PAXBP1: variants seen among roughly 807,000 people sequenced by gnomAD.
The protein encoded by PAXBP1 is PAX3 and PAX7 binding protein 1.
PAXBP1 carries 44 observed loss-of-function variants against 119.9 expected under a neutral mutation model. The observed-to-expected ratio is 0.37, with a 90% CI of 0.29 to 0.47. The LOEUF (loss-of-function observed/expected upper bound fraction) is 0.47. Among genes scored for constraint, PAXBP1 ranks in the 20% least tolerant of loss-of-function variants. The pLI, the probability that PAXBP1 is intolerant of heterozygous loss-of-function variation, is 0.99. For synonymous variants in PAXBP1, 393 were observed against 406.6 expected (o/e 0.97, Z 0.40); for missense variants, 898 against 1,134.1 (o/e 0.79, Z 2.99).
intron 10 of PAXBP1, among the ~76,000 whole-genome samples, chr21:32,749,746 A>T (rs893131028): frequency 6.6e-6 from 1 of 152,192 alleles, no homozygotes; most frequent in Admixed American, 6.5e-5. Flanking sequence ...AGTTTACAAG[A>T]AATGGATCAA....
rs1006256831 is a variant in PAXBP1 at position 32,762,188 on chromosome 21, T to A, written c.779A>T (p.Asp260Val). 6.2e-7 allele frequency: 1 copy of A among 1,614,096 alleles called. No individual in the cohort carries two copies. Among genetic ancestry groups the A allele is most frequent in the Non-Finnish European group, 8.5e-7 (1 of 1,180,046 alleles). The change falls in exon 4 of 18, where the codon GAT (aspartate) becomes GTT (valine). Residue 260 changes from aspartate (D) to valine (V), a missense_variant. By Grantham distance (152) the Asp-to-Val change is radical. This residue lies in a region of PAXBP1 where 599 missense variants were observed against 852.7 expected (regional missense o/e 0.70). Coordinates refer to ENST00000331923, the MANE Select transcript of PAXBP1 (RefSeq NM_016631.4). ...ATCGTCATCTTCATCATCACTGGCA[T>A]CATTCTCATCTTCTCTAACAAGGCG... ...KGRLVREDENDASDDEDDDEK... is the reference protein window; with the variant it reads ...KGRLVREDENVASDDEDDDEK...
Position 32,759,230 on chromosome 21 carries a change from C to T in PAXBP1, c.1233G>A (p.Gln411=), listed in dbSNP as rs768776132. The T allele has an allele frequency of 1.9e-6, 3 of 1,613,828 alleles. No homozygotes were observed. Among genetic ancestry groups the T allele is most frequent in the South Asian group, 2.2e-5 (2 of 91,078 alleles). The stretch of plus-strand genomic sequence containing the variant: ...GGCTTTGCAGATGTTTCTCATGCTG[C>T]TGTCGATTTGTTTTGTGCAATTCTT... ...SMKELHKTNR[Q]QHEKHLQSRV... is the part of the protein sequence containing the mutation. Residue 411 remains glutamine (Q), a synonymous_variant, in exon 7 of 18, where the codon CAG becomes CAA. Transcript: ENST00000331923.
intron 11 of PAXBP1, among the ~76,000 whole-genome samples, chr21:32,747,337 C>T (rs796937332): frequency 1.4e-4 from 22 of 152,260 alleles, no homozygotes; most frequent in African/African-American, 5.1e-4. Context: ...GATGCTAGTT[C>T]AGGACAGCAG....
At chr21:32,744,429 T>C (rs1347995499) in intron 13 of PAXBP1, among the ~76,000 whole-genome samples, 1 of 152,136 alleles carries the variant, frequency 6.6e-6, no homozygotes, top group Non-Finnish European at 1.5e-5. Flanking sequence ...TGTTAACATT[T>C]TGGTTTCTCA....
rs754967153 is a variant in PAXBP1 at position 32,762,212 on chromosome 21, C to T, written c.755G>A (p.Arg252His). The change falls in exon 4 of 18, where the codon CGC becomes CAC. Residue 252 changes from arginine (R) to histidine (H), a missense_variant. Around this residue, in one of 2 missense-constraint regions of PAXBP1, gnomAD observed 599 missense variants for 852.7 expected, o/e 0.70. Transcript: ENST00000331923. ...ATCATTCTCATCTTCTCTAACAAGG[C>T]GGCCTTTACCAGGCTCATTATCATG... ...TPHDNEPGKG[R>H]LVREDENDAS... 44 of 1,614,134 alleles carry T rather than the reference C, an allele frequency of 2.7e-5. No individual in the cohort carries two copies. The African/African-American group carries it at 4.4e-4, about 16-fold the overall frequency.
chr21:32,747,595 T>C (rs1237177054), intron 11 of PAXBP1, among the ~76,000 whole-genome samples: 2 of 152,194 alleles, frequency 1.3e-5, no homozygotes, highest in Admixed American at 6.5e-5. Context: ...TGTGTTTCCA[T>C]GGCATCAACC....
chr21:32,748,859 G>A (rs1269514519), intron 10 of PAXBP1, among the ~76,000 whole-genome samples, 161 bp from the exon 11 acceptor site: 1 of 152,160 alleles, frequency 6.6e-6, no homozygotes, highest in Non-Finnish European at 1.5e-5. Context: ...AAAATAAATT[G>A]AAGTTTCAAT....
Position 32,769,908 on chromosome 21 carries a change from A to G in PAXBP1, c.378T>C (p.Ser126=). 1 of 1,573,848 alleles carries G rather than the reference A, an allele frequency of 6.4e-7. No homozygotes were observed. The highest frequency in any genetic ancestry group is 1.4e-5 in the African/African-American group (1 of 73,552). ...GCAATTTTACTATCTTTTTGCTATA[A>G]CTTGATTTCTTCACTTTGAAAACTT... ...NEEVFKVKKS[S]YSKKIVKLLK... The change falls in exon 2 of 18, where the codon AGT becomes AGC. Residue 126 remains serine (S), a synonymous_variant. Transcript: ENST00000331923.
chr21:32,747,829 C>A (rs532865453), intron 11 of PAXBP1, among the ~76,000 whole-genome samples: 1 of 151,782 alleles, frequency 6.6e-6, no homozygotes, highest in East Asian at 1.9e-4. Context: ...GTTCTATCAC[C>A]CAGGCTGCAG....
rs778420280 is a variant in PAXBP1, at chr21:32,751,177, C to A, written c.1549G>T (p.Asp517Tyr). The change falls in exon 9 of 18, where the codon GAT (aspartate) becomes TAT (tyrosine). Residue 517 changes from aspartate (D) to tyrosine (Y), a missense_variant. By Grantham distance (160) the Asp-to-Tyr change is radical (BLOSUM62 -3). Transcript: ENST00000331923. ...GCATGCTCTTGATACAGTGCCCGAT[C>A]GCGTCCAAAGGAGTCAAGATTTGGT... ...MAPNLDSFGR[D>Y]RALYQEHAKR... The A allele has an allele frequency of 3.7e-6, 6 of 1,613,978 alleles. No homozygotes were observed. Among genetic ancestry groups the A allele is most frequent in the South Asian group, 1.1e-5 (1 of 91,060 alleles).
chr21:32,745,632 A>G lies in PAXBP1; in HGVS notation c.2010T>C (p.Asp670=). 6.2e-7 allele frequency: 1 copy of G among 1,614,074 alleles called. No homozygotes were observed. Among genetic ancestry groups the G allele is most frequent in the South Asian group, 1.1e-5 (1 of 91,078 alleles). The change falls in exon 12 of 18, where the codon GAT becomes GAC. Residue 670 remains aspartate (D), a synonymous_variant. Transcript: ENST00000331923. The part of the protein sequence containing the change: ...GCEEREQEKD[D]VDVALLPTIV... ...TGGTAGGTAGTAGGGCAACATCTAC[A>G]TCATCTTTTTCTTGCTCTCGTTCTT...
At chr21:32,761,799 G>A (rs2044151735) in intron 4 of PAXBP1, among the ~76,000 whole-genome samples, 1 of 152,124 alleles carries the variant, frequency 6.6e-6, no homozygotes, top group African/African-American at 2.4e-5. Context: ...CACTTCGGGA[G>A]GCCAAGGCAG....
chr21:32,746,411 G>C (rs2043872646), intron 11 of PAXBP1, among the ~76,000 whole-genome samples: 1 of 151,276 alleles, frequency 6.6e-6, no homozygotes, highest in South Asian at 2.1e-4. Context: ...AAACTTTATA[G>C]GAAAAAAACA....
chr21:32,757,251 A>G (rs2044057991), intron 7 of PAXBP1, among the ~76,000 whole-genome samples: 1 of 152,194 alleles, frequency 6.6e-6, no homozygotes, highest in Non-Finnish European at 1.5e-5. Context: ...TATCTCCAAT[A>G]TAACAATTTA....
At chr21:32,764,958 T>C (rs1246973277) in intron 2 of PAXBP1, among the ~76,000 whole-genome samples, 3 of 152,246 alleles carry the variant, frequency 2.0e-5, no homozygotes, top group East Asian at 3.8e-4. Flanking sequence ...AACTCTGTTA[T>C]GAACAAAGCA....
Position 32,771,317 on chromosome 21 carries a change from G to T in PAXBP1, c.343+9C>A, listed in dbSNP as rs759262843. On this transcript the variant is annotated intron_variant, in intron 1 of 17. Coordinates refer to ENST00000331923, the MANE Select transcript of PAXBP1 (RefSeq NM_016631.4). ...GGCCGTCTAAGGGCGTCCGAAGCGC[G>T]CACTTTACCTTCCTCCTCGTCCTGG... The T allele has an allele frequency of 6.3e-7, 1 of 1,576,128 alleles. No individual in the cohort carries two copies. Among genetic ancestry groups the T allele is most frequent in the Admixed American group, 1.7e-5 (1 of 58,504 alleles).
At chr21:32,748,389 C>T (rs1601592666) in intron 11 of PAXBP1, 110 bp downstream of exon 11, 1 of 925,164 alleles carries the variant, frequency 1.1e-6, no homozygotes, top group Non-Finnish European at 1.6e-6. Context: ...TAGCCTATGC[C>T]CTATCACCCC....
chr21:32,757,762 C>T (rs1289594870), intron 7 of PAXBP1, among the ~76,000 whole-genome samples: 2 of 152,214 alleles, frequency 1.3e-5, no homozygotes, highest in Admixed American at 1.3e-4. Context: ...GATCCTTTCT[C>T]TAGTCACAAA....
Position 32,751,188 on chromosome 21 carries a change from G to T in PAXBP1, c.1538C>A (p.Ser513Tyr). The T allele has an allele frequency of 6.2e-7, 1 of 1,614,068 alleles. No homozygotes were observed. The highest frequency in any genetic ancestry group is 8.5e-7 in the Non-Finnish European group (1 of 1,179,958). Residue 513 changes from serine (S) to tyrosine (Y), a missense_variant, in exon 9 of 18, where the codon TCC (serine) becomes TAC (tyrosine). Coordinates refer to ENST00000331923, the MANE Select transcript of PAXBP1 (RefSeq NM_016631.4). Reference sequence around the variant, plus strand: ...ATACAGTGCCCGATCGCGTCCAAAGGAGTCAAGATTTGGTGCCATCAGAGC... The same window carrying T: ...ATACAGTGCCCGATCGCGTCCAAAGTAGTCAAGATTTGGTGCCATCAGAGC... ...NKALMAPNLD[S>Y]FGRDRALYQE...
Sources: gnomAD v4.1 joint callset for allele counts (sites outside exome capture counted in the v4.1 genomes callset) on GRCh38, gnomAD v4.1.1 for gene constraint, gnomAD v4.1.1 regional missense constraint, MANE v1.5 for transcripts, NCBI Gene and HGNC (gene_info 2026-07-23, HGNC 2026-07-21) for gene names.